Variants in CDH18 observed in about 807,000 individuals in gnomAD.
CDH18 encodes cadherin-18.
Under a neutral mutation model 67.9 loss-of-function variants are expected in CDH18, and 31 were observed. The observed-to-expected ratio is 0.46, with a 90% CI of 0.34 to 0.62. The LOEUF is 0.62. CDH18 is among the 20% of genes least tolerant of loss of function. The probability of loss-of-function intolerance (pLI) is 0.01; values close to 1 mark genes in which losing one functional copy is unlikely to be tolerated. For synonymous variants in CDH18, 362 were observed against 347.2 expected (o/e 1.04, Z -0.48); for missense variants, 890 against 975.5 (o/e 0.91, Z 1.17).
At chr5:20,299,709 G>T (rs1747810789) in intron 1 of CDH18, among the ~76,000 whole-genome samples, 1 of 137,322 alleles carries the variant, frequency 7.3e-6, no homozygotes, top group Admixed American at 8.2e-5. Flanking sequence ...AGTGAGCCAA[G>T]ATCGCACCAC....
rs1305609622 is a variant in CDH18 at position 19,618,668 on chromosome 5, C to G, written c.644-6067G>C. ...GTGCTCATTATCGTGCAAATCTACTCACATCTTCGACCTACTGAATTAGAA... is the reference window on the plus strand; with the variant it reads ...GTGCTCATTATCGTGCAAATCTACTGACATCTTCGACCTACTGAATTAGAA... On this transcript the variant is annotated intron_variant, in intron 5 of 12. Coordinates refer to ENST00000382275, the MANE Select transcript of CDH18 (RefSeq NM_004934.5). Among the ~76,000 whole-genome samples the G allele has an allele frequency of 2.0e-5, 3 of 152,270 alleles. No homozygotes were observed. In the East Asian group the frequency reaches 5.8e-4, roughly 29 times the overall value.
intron 1 of CDH18, among the ~76,000 whole-genome samples, chr5:20,298,800 A>G (rs549799903): frequency 2.6e-5 from 4 of 152,306 alleles, no homozygotes; most frequent in African/African-American, 9.6e-5. Context: ...TGATACATAC[A>G]TGAAGGGAAT....
At chr5:20,432,276 C>T (rs555713551) in intron 1 of CDH18, among the ~76,000 whole-genome samples, 221 of 152,214 alleles carry the variant, frequency 1.5e-3, no homozygotes, top group South Asian at 6.0e-3. Context: ...TTATTATTTT[C>T]CGCTGTTCAA....
At chr5:19,517,876 A>G (rs192047495) in intron 10 of CDH18, among the ~76,000 whole-genome samples, 72 of 151,678 alleles carry the variant, frequency 4.7e-4, no homozygotes, top group African/African-American at 1.7e-3. Flanking sequence ...GGATTTTTTT[A>G]TTCTGACTTA....
intron 2 of CDH18, among the ~76,000 whole-genome samples, chr5:20,212,303 T>C (rs531731460): frequency 1.1e-4 from 17 of 152,270 alleles, no homozygotes; most frequent in African/African-American, 1.7e-4. Context: ...CTAAGTCTGA[T>C]TGATGTACCT....
intron 1 of CDH18, among the ~76,000 whole-genome samples, chr5:20,270,343 A>G (rs1745345266): frequency 6.6e-6 from 1 of 152,182 alleles, no homozygotes; most frequent in South Asian, 2.1e-4. Context: ...GTTGTTATGT[A>G]AGATGTTAAG....
intron 2 of CDH18, among the ~76,000 whole-genome samples, chr5:19,866,060 A>G (rs1785451737): frequency 6.6e-6 from 1 of 152,080 alleles, no homozygotes; most frequent in Admixed American, 6.6e-5. Flanking sequence ...AAAAACAACA[A>G]CAACAAAAGC....
At chr5:20,375,898 A>G (rs2150091559) in intron 1 of CDH18, among the ~76,000 whole-genome samples, 1 of 152,000 alleles carries the variant, frequency 6.6e-6, no homozygotes, top group South Asian at 2.1e-4. Flanking sequence ...GGAAATATCT[A>G]TCAACATCTA....
At chr5:19,867,106 T>TA (rs1472617843) in intron 2 of CDH18, among the ~76,000 whole-genome samples, 1 of 151,934 alleles carries the variant, frequency 6.6e-6, no homozygotes, top group Non-Finnish European at 1.5e-5. Context: ...AATGAATAAA[T>TA]AATGCACTCT....
intron 2 of CDH18, among the ~76,000 whole-genome samples, chr5:19,937,812 T>A (rs1199981207): frequency 6.6e-6 from 1 of 151,090 alleles, no homozygotes; most frequent in African/African-American, 2.4e-5. Context: ...AGAGAGACAT[T>A]TTTAGAAATT....
intron 2 of CDH18, among the ~76,000 whole-genome samples, chr5:20,215,881 A>G (rs1740728549): frequency 1.3e-5 from 2 of 151,948 alleles, no homozygotes; most frequent in African/African-American, 2.4e-5. Context: ...GGAACAGAAA[A>G]CCAAATACTG....
intron 2 of CDH18, among the ~76,000 whole-genome samples, chr5:19,921,517 C>T (rs1221190226): frequency 9.1e-5 from 13 of 143,158 alleles, no homozygotes; most frequent in Non-Finnish European, 1.6e-4. Context: ...GGCAACATAG[C>T]GAGACTCCGT....
At chr5:20,127,993 G>T (rs2126457942) in intron 2 of CDH18, among the ~76,000 whole-genome samples, 1 of 152,158 alleles carries the variant, frequency 6.6e-6, no homozygotes, top group Admixed American at 6.5e-5. Flanking sequence ...CTGTGGATAA[G>T]GGATAGCCTT....
intron 5 of CDH18, among the ~76,000 whole-genome samples, chr5:19,678,232 A>C (rs1252510338): frequency 7.8e-6 from 1 of 128,182 alleles, no homozygotes; most frequent in Non-Finnish European, 1.7e-5. Context: ...AACATAAAAC[A>C]ATCCTCAGCA....
At chr5:20,396,742 AT>A (rs1745313754) in intron 1 of CDH18, among the ~76,000 whole-genome samples, 2 of 152,270 alleles carry the variant, frequency 1.3e-5, no homozygotes, top group South Asian at 4.1e-4. Context: ...ATCATTCACA[AT>A]TTCAAACTTG....
chr5:20,516,019 T>A (rs932765196), intron 1 of CDH18, among the ~76,000 whole-genome samples: 14 of 152,044 alleles, frequency 9.2e-5, no homozygotes, highest in African/African-American at 3.4e-4. Flanking sequence ...ATTAGGCCTT[T>A]AATGTAATGG....
intron 5 of CDH18, among the ~76,000 whole-genome samples, chr5:19,664,296 G>A (rs191315736): frequency 6.6e-6 from 1 of 151,802 alleles, no homozygotes; most frequent in East Asian, 1.9e-4. Flanking sequence ...AAATTAATGT[G>A]AAACTCAAGA....
At chr5:20,238,338 G>C (rs192498913) in intron 2 of CDH18, among the ~76,000 whole-genome samples, 165 of 152,088 alleles carry the variant, frequency 1.1e-3, no homozygotes, top group Middle Eastern at 6.8e-3. Context: ...ATTTTTCTTA[G>C]AAAGAACTTG....
At chr5:19,998,472 G>A (rs1282105720) in intron 2 of CDH18, among the ~76,000 whole-genome samples, 3 of 152,080 alleles carry the variant, frequency 2.0e-5, no homozygotes, top group African/African-American at 7.2e-5. Context: ...ATAATAAATT[G>A]ATTTGAGGTC....
Sources: allele counts gnomAD v4.1 joint callset (sites outside exome capture counted in the v4.1 genomes callset), GRCh38; gene constraint gnomAD v4.1.1; transcripts MANE v1.5; gene names NCBI Gene and HGNC (gene_info 2026-07-23, HGNC 2026-07-21).